Variants in WBP1 observed in about 807,000 individuals in gnomAD.
WBP1 encodes WW domain binding protein 1.
A neutral mutation model predicts 25.6 loss-of-function variants in WBP1; 18 were observed. The observed-to-expected ratio is 0.70, with a 90% CI of 0.49 to 1.04. The LOEUF is 1.04. Ranked by LOEUF, WBP1 falls within the 50% of genes least tolerant of loss-of-function variation. The pLI is 0.00. For synonymous variants in WBP1, 122 were observed against 137.7 expected, an observed-to-expected ratio of 0.89 and a Z score of 0.80; for missense variants, 330 against 352.9, an observed-to-expected ratio of 0.94 and a Z score of 0.52.
chr2:74,460,286 C>T lies in WBP1; in HGVS notation c.415C>T (p.Pro139Ser). ...DVVHRPGTPP[P>S]PYTVAPGRPL... ...GGTTCACCGCCCAGGCACACCACCC[C>T]CCCCTTATACTGTGGCCCCAGGCCG... Residue 139 changes from proline to serine, a missense_variant, in exon 4 of 4, where the codon CCC becomes TCC. Transcript: ENST00000233615. 3 of 1,614,066 alleles carry T rather than the reference C, an allele frequency of 1.9e-6. No homozygotes were observed. Among genetic ancestry groups the T allele is most frequent in the African/African-American group, 1.3e-5 (1 of 75,014 alleles).
Position 74,460,311 on chromosome 2 carries a change from G to T in WBP1, c.440G>T (p.Arg147Leu), listed in dbSNP as rs534766337. The T allele has an allele frequency of 6.2e-7, 1 of 1,613,136 alleles. No individual in the cohort carries two copies. Among genetic ancestry groups the T allele is most frequent in the African/African-American group, 1.3e-5 (1 of 74,484 alleles). The change falls in exon 4 of 4, where the codon CGC becomes CTC. Residue 147 changes from arginine (R) to leucine (L), a missense_variant. Transcript: ENST00000233615. Reference sequence around the variant, plus strand: ...CCCCCTTATACTGTGGCCCCAGGCCGCCCCTTGACTGCTTCCAGTGAACAA... The same window carrying T: ...CCCCCTTATACTGTGGCCCCAGGCCTCCCCTTGACTGCTTCCAGTGAACAA... Reference protein sequence around the residue: ...PPPPYTVAPGRPLTASSEQTC... With the variant: ...PPPPYTVAPGLPLTASSEQTC...
rs780617840 is a variant in WBP1 at position 74,460,504 on chromosome 2, C to T, written c.633C>T (p.Asp211=). The change falls in exon 4 of 4, where the codon GAC becomes GAT. Residue 211 remains aspartate, a synonymous_variant. Transcript: ENST00000233615. The part of the protein sequence containing the change: ...PSCRYRRLTG[D]SGIELCPCPA... Reference sequence around the variant, plus strand: ...GCCGCTATCGCCGTTTAACTGGCGACTCCGGTATTGAGCTCTGCCCTTGTC... The same window carrying T: ...GCCGCTATCGCCGTTTAACTGGCGATTCCGGTATTGAGCTCTGCCCTTGTC... The T allele has an allele frequency of 6.2e-7, 1 of 1,613,668 alleles. No individual in the cohort carries two copies. The highest frequency in any genetic ancestry group is 1.1e-5 in the South Asian group (1 of 91,062).
At position 74,458,577 on chromosome 2, in the gene WBP1, G is replaced by A. The variant is rs1186426084; in HGVS notation, c.-26G>A. 6.5e-7 allele frequency: 1 copy of A among 1,542,064 alleles called. No individual in the cohort carries two copies. Among genetic ancestry groups the A allele is most frequent in the African/African-American group, 1.4e-5 (1 of 73,438 alleles). Reference sequence around the variant, plus strand: ...GCGGCTGGCGGTAGAGGAGGCTGTGGTCCTCAGGGGGCTGTAGGTGGAGGT... The same window carrying A: ...GCGGCTGGCGGTAGAGGAGGCTGTGATCCTCAGGGGGCTGTAGGTGGAGGT... On this transcript the variant is annotated 5_prime_UTR_variant, in exon 1 of 4. Coordinates refer to ENST00000233615, the MANE Select transcript of WBP1 (RefSeq NM_012477.4).
rs1302111756 is a variant in WBP1 at position 74,459,944 on chromosome 2, C to T, written c.244C>T (p.Leu82Phe). The T allele has an allele frequency of 1.2e-6, 2 of 1,614,218 alleles. No homozygotes were observed. Among genetic ancestry groups the T allele is most frequent in the Non-Finnish European group, 1.7e-6 (2 of 1,180,038 alleles). The change falls in exon 3 of 4, where the codon CTC (leucine) becomes TTC (phenylalanine). Residue 82 changes from leucine (L) to phenylalanine (F), a missense_variant. Physicochemically the swap from Leu to Phe is conservative, Grantham distance 22. Transcript: ENST00000233615. The part of the protein sequence containing the change: ...CCAFRHRRAK[L>F]RLQQQQRQRE... ...CGCCTTCCGCCACCGACGAGCTAAA[C>T]TCAGGCTGCAACAACAGCAGCGGCA...
Position 74,460,857 on chromosome 2 carries a change from G to C in WBP1, c.*176G>C, listed in dbSNP as rs1217686467. On this transcript the variant is annotated 3_prime_UTR_variant, in exon 4 of 4. Transcript: ENST00000233615. ...CCGCAGGACATACACAGGAGCCTTT[G>C]ATCTCATTAAAGAGATGTGAACCAG... The C allele has an allele frequency of 9.3e-6, 6 of 643,020 alleles. No homozygotes were observed. The East Asian group carries it at 1.4e-4, about 15-fold the overall frequency. 39.8% of individuals were successfully genotyped at this position (643,020 alleles called of 1,614,324 possible). A position where few individuals can be genotyped will look rare whatever the true frequency, so the allele number is the denominator to read the frequency against.
rs956717157 is a variant in WBP1 at position 74,460,719 on chromosome 2, G to C, written c.*38G>C. On this transcript the variant is annotated 3_prime_UTR_variant, in exon 4 of 4. Coordinates refer to ENST00000233615, the MANE Select transcript of WBP1 (RefSeq NM_012477.4). ...GGGTGGATGGGTTACTTGCCCACCA[G>C]AAACAGCCCTAGTCCCAACTCCTTG... The C allele has an allele frequency of 1.7e-5, 26 of 1,499,744 alleles. No individual in the cohort carries two copies. Among genetic ancestry groups the C allele is most frequent in the South Asian group, 3.9e-5 (3 of 76,186 alleles). 92.9% of individuals were successfully genotyped at this position (1,499,744 alleles called of 1,614,324 possible).
At chr2:74,460,200 T>C in intron 3 of WBP1, 21 bp from the exon 4 acceptor site, 3 of 1,595,674 alleles carry the variant, frequency 1.9e-6, no homozygotes, top group African/African-American at 2.7e-5. Context: ...CAACCAATCA[T>C]GCCAATTTTC....
Position 74,458,497 on chromosome 2 carries a change from C to G in WBP1, c.-106C>G, listed in dbSNP as rs1671781677. ...GGCCGCGGAGTGATGGTGGCCTCAGCGAAGATGGGCCGGGCAGGGACCATG... is the reference window on the plus strand; with the variant it reads ...GGCCGCGGAGTGATGGTGGCCTCAGGGAAGATGGGCCGGGCAGGGACCATG... On this transcript the variant is annotated 5_prime_UTR_variant, in exon 1 of 4. Coordinates refer to ENST00000233615, the MANE Select transcript of WBP1 (RefSeq NM_012477.4). 2 of 1,484,912 alleles carry G rather than the reference C, an allele frequency of 1.3e-6. No individual in the cohort carries two copies. Among genetic ancestry groups the G allele is most frequent in the Non-Finnish European group, 1.8e-6 (2 of 1,111,502 alleles). The allele number at this position is 1,484,912 out of a possible 1,614,324, so 92.0% of individuals were successfully genotyped here.
At chr2:74,459,586 G>A (rs1671829257) in intron 1 of WBP1, 57 bp from the exon 2 acceptor site, 2 of 1,536,272 alleles carry the variant, frequency 1.3e-6, no homozygotes, top group Admixed American at 1.7e-5. Flanking sequence ...GGAGGTGGGG[G>A]TGGACAGTGC....
chr2:74,458,482 T>C lies in WBP1; in HGVS notation c.-121T>C. ...CCGGATGGAAGCTCCGGCCGCGGAG[T>C]GATGGTGGCCTCAGCGAAGATGGGC... On this transcript the variant is annotated 5_prime_UTR_variant, in exon 1 of 4. The change abolishes the stop of an existing upstream ORF in the 5' untranslated region. Transcript: ENST00000233615. 2.1e-6 allele frequency: 3 copies of C among 1,458,942 alleles called. No individual in the cohort carries two copies. Among genetic ancestry groups the C allele is most frequent in the Non-Finnish European group, 2.7e-6 (3 of 1,099,994 alleles). 90.4% of individuals were successfully genotyped at this position (1,458,942 alleles called of 1,614,324 possible).
At position 74,460,658 on chromosome 2, in the gene WBP1, T is replaced by C; in HGVS notation, c.787T>C (p.Ser263Pro). ...GCAGATCTTTCCCATGGGGCTGTCTTCCAGTGAAGGGGACATCCCATAAGT... is the reference window on the plus strand; with the variant it reads ...GCAGATCTTTCCCATGGGGCTGTCTCCCAGTGAAGGGGACATCCCATAAGT... ...VPQIFPMGLS[S>P]SEGDIP The change falls in exon 4 of 4, where the codon TCC becomes CCC. Residue 263 changes from serine to proline, a missense_variant. Transcript: ENST00000233615. 6.3e-7 allele frequency: 1 copy of C among 1,579,394 alleles called. No homozygotes were observed. Among genetic ancestry groups the C allele is most frequent in the Admixed American group, 1.8e-5 (1 of 56,610 alleles).
Position 74,458,456 on chromosome 2 carries a change from C to T in WBP1, c.-147C>T. ...CTGAGTCCTAGTTGGTGGAGTTCTG[C>T]CCGGATGGAAGCTCCGGCCGCGGAG... On this transcript the variant is annotated 5_prime_UTR_variant, in exon 1 of 4. Transcript: ENST00000233615. 3.4e-6 allele frequency: 5 copies of T among 1,453,672 alleles called. No homozygotes were observed. Among genetic ancestry groups the T allele is most frequent in the Non-Finnish European group, 2.7e-6 (3 of 1,101,950 alleles). The allele number at this position is 1,453,672 out of a possible 1,614,324, so 90.0% of individuals were successfully genotyped here.
rs768977648 is a variant in WBP1 at position 74,460,524 on chromosome 2, C to T, written c.653C>T (p.Pro218Leu). Reference protein sequence around the residue: ...LTGDSGIELCPCPASGEGEPV... With the variant: ...LTGDSGIELCLCPASGEGEPV... ...GGCGACTCCGGTATTGAGCTCTGCC[C>T]TTGTCCTGCCTCCGGTGAGGGTGAG... Residue 218 changes from proline (P) to leucine (L), a missense_variant, in exon 4 of 4, where the codon CCT becomes CTT. Transcript: ENST00000233615. 2.5e-6 allele frequency: 4 copies of T among 1,613,616 alleles called. No individual in the cohort carries two copies. The highest frequency in any genetic ancestry group is 3.4e-6 in the Non-Finnish European group (4 of 1,179,930).
Position 74,460,584 on chromosome 2 carries a change from C to G in WBP1, c.713C>G (p.Pro238Arg). 3 of 1,613,480 alleles carry G rather than the reference C, an allele frequency of 1.9e-6. No homozygotes were observed. The highest frequency in any genetic ancestry group is 2.5e-6 in the Non-Finnish European group (3 of 1,179,722). The change falls in exon 4 of 4, where the codon CCA (proline) becomes CGA (arginine). Residue 238 changes from proline to arginine, a missense_variant. Physicochemically the swap from Pro to Arg is moderately radical, Grantham distance 103. Coordinates refer to ENST00000233615, the MANE Select transcript of WBP1 (RefSeq NM_012477.4). ...VKEVRVSATL[P>R]DLEDYSPCAL... ...GAGGTGAGGGTTAGTGCCACCCTGC[C>G]AGATCTGGAGGACTACTCCCCGTGT...
chr2:74,458,980 G>A (rs778868928), intron 1 of WBP1: 29 of 1,550,460 alleles, frequency 1.9e-5, no homozygotes, highest in Middle Eastern at 1.7e-4. Context: ...TTTTCTATGT[G>A]CCTATTGTCA....
rs774553850 is a variant in WBP1, at chr2:74,460,482, G to T, written c.611G>T (p.Arg204Leu). The T allele has an allele frequency of 1.2e-6, 2 of 1,613,328 alleles. No individual in the cohort carries two copies. The highest frequency in any genetic ancestry group is 1.3e-5 in the African/African-American group (1 of 74,870). Residue 204 changes from arginine (R) to leucine (L), a missense_variant, in exon 4 of 4, where the codon CGC (arginine) becomes CTC (leucine). Arg to Leu is a moderately radical substitution (Grantham distance 102, BLOSUM62 -2). Transcript: ENST00000233615. The part of the protein sequence containing the change: ...VTPASTPPSC[R>L]YRRLTGDSGI... ...CCTGCCTCCACACCCCCCTCCTGCC[G>T]CTATCGCCGTTTAACTGGCGACTCC...
rs147509892 is a variant in WBP1, at chr2:74,460,285, C to T, written c.414C>T (p.Pro138=). 14 of 1,613,836 alleles carry T rather than the reference C, an allele frequency of 8.7e-6. No homozygotes were observed. Among genetic ancestry groups the T allele is most frequent in the African/African-American group, 1.3e-5 (1 of 74,888 alleles). The change falls in exon 4 of 4, where the codon CCC becomes CCT. Residue 138 remains proline, a synonymous_variant. Transcript: ENST00000233615. ...TGGTTCACCGCCCAGGCACACCACC[C>T]CCCCCTTATACTGTGGCCCCAGGCC... ...EDVVHRPGTP[P]PPYTVAPGRP...
chr2:74,459,813 C>T (rs1172143238), intron 2 of WBP1, 60 bp from the exon 3 acceptor site: 4 of 1,613,092 alleles, frequency 2.5e-6, no homozygotes, highest in Admixed American at 1.7e-5. Context: ...GAATTTCGGC[C>T]TTCAGGGCCC....
chr2:74,459,239 T>A, intron 1 of WBP1: 1 of 1,166,542 alleles, frequency 8.6e-7, no homozygotes, highest in Non-Finnish European at 1.2e-6. Flanking sequence ...GGAAATGACC[T>A]ACCGCTACCC....
Sources: allele counts gnomAD v4.1 joint callset, GRCh38; gene constraint gnomAD v4.1.1; transcripts MANE v1.5; gene names NCBI Gene and HGNC (gene_info 2026-07-23, HGNC 2026-07-21).